Variants in PDZD8 observed in about 807,000 individuals in gnomAD.
PDZD8 encodes the protein PDZ domain containing 8.
In PDZD8, 14 loss-of-function variants were observed where a neutral mutation model predicts 85.8. The ratio of observed to expected loss-of-function variants is 0.16; its 90% CI spans 0.11 to 0.26. The LOEUF is 0.26. Among genes scored for constraint, PDZD8 ranks in the 10% least tolerant of loss-of-function variants. The pLI is 1.00. For missense variants in PDZD8, 1,197 were observed against 1,424.3 expected (o/e 0.84, Z 2.57); for synonymous variants, 592 against 568.6 (o/e 1.04, Z -0.59).
At chr10:117,346,360 C>T (rs1844709430) in intron 1 of PDZD8, among the ~76,000 whole-genome samples, 1 of 151,954 alleles carries the variant, frequency 6.6e-6, no homozygotes, top group Non-Finnish European at 1.5e-5. Context: ...TAAGATCCCC[C>T]CAACCACCTG....
chr10:117,344,399 T>C (rs548661661), intron 1 of PDZD8, among the ~76,000 whole-genome samples: 17 of 152,192 alleles, frequency 1.1e-4, no homozygotes, highest in Non-Finnish European at 2.4e-4. Context: ...TTATTTTTTA[T>C]TTTTTTGAGA....
At chr10:117,319,445 C>T (rs1844190709) in intron 2 of PDZD8, among the ~76,000 whole-genome samples, 1 of 148,352 alleles carries the variant, frequency 6.7e-6, no homozygotes, top group South Asian at 2.1e-4. Context: ...TCTTCATCTA[C>T]TAATGTGACC....
rs191879893 is a variant in PDZD8, at chr10:117,310,356, G to A, written c.1098+8516C>T. On this transcript the variant is annotated intron_variant, in intron 3 of 4. Transcript: ENST00000334464. ...ACTGTTGCTCTGATTTCCCTACTACGAATTTTCCTTGAAGGGAAAGATGAT... is the reference window on the plus strand; with the variant it reads ...ACTGTTGCTCTGATTTCCCTACTACAAATTTTCCTTGAAGGGAAAGATGAT... 5.6e-3 allele frequency among the ~76,000 whole-genome samples: 846 copies of A among 152,180 alleles called. 4 individuals carry two copies. The highest frequency in any genetic ancestry group is 0.037 in the Middle Eastern group (11 of 294).
Position 117,305,632 on chromosome 10 carries a change from T to C in PDZD8, c.1098+13240A>G, listed in dbSNP as rs144961521. On this transcript the variant is annotated intron_variant, in intron 3 of 4. Transcript: ENST00000334464. Reference sequence around the variant, plus strand: ...AAATCTGGAAATCTGAAATCTGAAATGCTCCAATGAGCATTTCCTTTAAGT... The same window carrying C: ...AAATCTGGAAATCTGAAATCTGAAACGCTCCAATGAGCATTTCCTTTAAGT... Among the ~76,000 whole-genome samples the C allele has an allele frequency of 9.2e-5, 14 of 152,220 alleles. No homozygotes were observed. In the East Asian group the frequency reaches 2.5e-3, roughly 27 times the overall value.
chr10:117,367,801 G>A (rs1845115840), intron 1 of PDZD8, among the ~76,000 whole-genome samples: 1 of 151,632 alleles, frequency 6.6e-6, no homozygotes, highest in Non-Finnish European at 1.5e-5. Context: ...GGGCATTGTG[G>A]CACACGCCTG....
At chr10:117,367,946 C>T (rs944090400) in intron 1 of PDZD8, among the ~76,000 whole-genome samples, 8 of 151,938 alleles carry the variant, frequency 5.3e-5, no homozygotes, top group Non-Finnish European at 8.8e-5. Flanking sequence ...GCATTACATA[C>T]GGTACCACAG....
chr10:117,360,937 G>C (rs752327509), intron 1 of PDZD8, among the ~76,000 whole-genome samples: 1 of 152,018 alleles, frequency 6.6e-6, no homozygotes, highest in Non-Finnish European at 1.5e-5. Context: ...AAGAGCTGCT[G>C]TTCATGTAGA....
At chr10:117,370,969 C>A (rs991077012) in intron 1 of PDZD8, among the ~76,000 whole-genome samples, 2 of 137,230 alleles carry the variant, frequency 1.5e-5, no homozygotes, top group Non-Finnish European at 3.1e-5. Flanking sequence ...GGTGGCCTGG[C>A]CTTATCAGAG....
At chr10:117,364,588 T>C (rs149324446) in intron 1 of PDZD8, among the ~76,000 whole-genome samples, 52 of 152,028 alleles carry the variant, frequency 3.4e-4, no homozygotes, top group African/African-American at 1.2e-3. Context: ...AAGGTGATAT[T>C]TAAGAGGGAC....
intron 4 of PDZD8, among the ~76,000 whole-genome samples, chr10:117,287,922 T>C (rs1322471582): frequency 6.6e-6 from 1 of 152,188 alleles, no homozygotes; most frequent in Non-Finnish European, 1.5e-5. Context: ...GTTTGACATA[T>C]GCATAAATGA....
intron 2 of PDZD8, among the ~76,000 whole-genome samples, chr10:117,339,343 G>T (rs939605941): frequency 6.6e-6 from 1 of 152,168 alleles, no homozygotes; most frequent in African/African-American, 2.4e-5. Context: ...TAGTATACTT[G>T]TACTTGGAAT....
At chr10:117,352,137 G>T (rs990950946) in intron 1 of PDZD8, among the ~76,000 whole-genome samples, 1 of 151,950 alleles carries the variant, frequency 6.6e-6, no homozygotes, top group African/African-American at 2.4e-5. Context: ...CTTCAAGTTT[G>T]CCCTATAAGC....
Position 117,283,988 on chromosome 10 carries a change from G to T in PDZD8, c.2745C>A (p.Gly915=). The change falls in exon 5 of 5, where the codon GGC becomes GGA. Residue 915 remains glycine (G), a synonymous_variant. Coordinates refer to ENST00000334464, the MANE Select transcript of PDZD8 (RefSeq NM_173791.5). ...CTTCAGCATCAACACGAGGAGGCAG[G>T]CCTAAGAGGGTTTCCTGTCCTTCCA... ...LRLEGQETLL[G]LPPRVDAEAS... 6.2e-7 allele frequency: 1 copy of T among 1,614,172 alleles called. No individual in the cohort carries two copies. Among genetic ancestry groups the T allele is most frequent in the Non-Finnish European group, 8.5e-7 (1 of 1,180,034 alleles).
chr10:117,371,462 G>A (rs1162215027), intron 1 of PDZD8, among the ~76,000 whole-genome samples: 1 of 152,192 alleles, frequency 6.6e-6, no homozygotes, highest in South Asian at 2.1e-4. Flanking sequence ...TGGGATCACA[G>A]GCGTGAACCA....
Position 117,277,416 on chromosome 10 carries a change from C to T in PDZD8, c.*5852G>A, listed in dbSNP as rs144613652. ...ATTATTTCCTTTCCATGGTTATGGTCGATTGCCAACAGCCTTATAAAGAAA... is the reference window on the plus strand; with the variant it reads ...ATTATTTCCTTTCCATGGTTATGGTTGATTGCCAACAGCCTTATAAAGAAA... On this transcript the variant is annotated 3_prime_UTR_variant, in exon 5 of 5. Coordinates refer to ENST00000334464, the MANE Select transcript of PDZD8 (RefSeq NM_173791.5). 3,162 of 471,574 alleles carry T rather than the reference C, an allele frequency of 6.7e-3. 18 individuals are homozygous for T. The highest frequency in any genetic ancestry group is 0.015 in the Middle Eastern group (40 of 2,686). The allele number at this position is 471,574 out of a possible 1,614,324, so 29.2% of individuals were successfully genotyped here.
intron 3 of PDZD8, among the ~76,000 whole-genome samples, chr10:117,308,597 T>C (rs934018642): frequency 2.0e-5 from 3 of 152,102 alleles, no homozygotes; most frequent in Non-Finnish European, 2.9e-5. Flanking sequence ...ACCTTGCTCA[T>C]AGTCATAGAG....
chr10:117,333,132 A>AAAAAAAAAAC (rs1844457314), intron 2 of PDZD8, among the ~76,000 whole-genome samples: 1 of 148,930 alleles, frequency 6.7e-6, no homozygotes, highest in Admixed American at 6.6e-5. Context: ...AAAAAAAAAA[A>AAAAAAAAAAC]AAAAAAAAAA....
rs1844599677 is a variant in PDZD8, at chr10:117,340,869, T to A, written c.995+111A>T. On this transcript the variant is annotated intron_variant, in intron 2 of 4. Coordinates refer to ENST00000334464, the MANE Select transcript of PDZD8 (RefSeq NM_173791.5). ...GATATTAAATTTACAATTAAAGAAT[T>A]TACAGGTAAATAATATAATTTAAAT... The A allele has an allele frequency of 2.5e-6, 3 of 1,206,442 alleles. No homozygotes were observed. In the East Asian group the frequency reaches 7.9e-5, roughly 32 times the overall value. The allele number at this position is 1,206,442 out of a possible 1,614,324, so 74.7% of individuals were successfully genotyped here.
intron 1 of PDZD8, among the ~76,000 whole-genome samples, chr10:117,355,362 G>A (rs986861064): frequency 6.6e-6 from 1 of 151,970 alleles, no homozygotes; most frequent in Non-Finnish European, 1.5e-5. Flanking sequence ...CTTTATATAT[G>A]CTCTGTTTTA....
Sources: gnomAD v4.1 joint callset for allele counts (sites outside exome capture counted in the v4.1 genomes callset) on GRCh38, gnomAD v4.1.1 for gene constraint, MANE v1.5 for transcripts, NCBI Gene and HGNC (gene_info 2026-07-23, HGNC 2026-07-21) for gene names.